AGAP1: variants seen among roughly 807,000 people sequenced by gnomAD.
AGAP1 encodes arf-GAP with GTPase, ANK repeat and PH domain-containing protein 1.
Under a neutral mutation model 105.3 loss-of-function variants are expected in AGAP1, and 29 were observed. The ratio of observed to expected loss-of-function variants is 0.28; its 90% CI spans 0.21 to 0.38. The LOEUF is 0.38. AGAP1 is among the 10% of genes least tolerant of loss of function. The pLI, the probability that AGAP1 is intolerant of heterozygous loss-of-function variation, is 1.00. For missense variants in AGAP1, 998 were observed against 1,165.1 expected, an observed-to-expected ratio of 0.86 and a Z score of 2.09; for synonymous variants, 509 against 485.9, an observed-to-expected ratio of 1.05 and a Z score of -0.63.
intron 8 of AGAP1, among the ~76,000 whole-genome samples, chr2:235,806,651 GT>G (rs918134475): frequency 2.6e-5 from 4 of 152,090 alleles, no homozygotes; most frequent in Admixed American, 6.6e-5. Context: ...ATTATCAGGG[GT>G]TTTTTTTCCC....
chr2:235,686,240 G>A lies in AGAP1; in HGVS notation c.164-22939G>A, dbSNP rs59530739. Among the ~76,000 whole-genome samples, 603 of 152,214 alleles carry A rather than the reference G, an allele frequency of 4.0e-3. 4 individuals are homozygous for A. Among genetic ancestry groups the A allele is most frequent in the African/African-American group, 0.014 (573 of 41,514 alleles). On this transcript the variant is annotated intron_variant, in intron 1 of 17. Transcript: ENST00000304032. ...AAGCCTCCTGCTGTACGGGGCACCC[G>A]CTGGGAGGGAAGAGGTGCTGGCCAA... is the stretch of plus-strand genomic sequence containing the variant.
intron 6 of AGAP1, among the ~76,000 whole-genome samples, chr2:235,759,270 A>G (rs139553831): frequency 1.1e-3 from 160 of 145,428 alleles, no homozygotes; most frequent in South Asian, 2.2e-3. Flanking sequence ...CTGGGTTCAC[A>G]CCATTCTCCT....
intron 6 of AGAP1, among the ~76,000 whole-genome samples, chr2:235,764,007 G>GTGGCTGTGACCCGTGCA (rs914999769): frequency 3.9e-5 from 6 of 152,038 alleles, no homozygotes; most frequent in African/African-American, 1.5e-4. Flanking sequence ...TGATCCGTGC[G>GTGGCTGTGACCCGTGCA]TGGCTGTGAC....
At chr2:235,852,539 A>G (rs550049709) in intron 9 of AGAP1, 1 of 704,696 alleles carries the variant, frequency 1.4e-6, no homozygotes, top group South Asian at 4.9e-5. Context: ...GTGCGAGAGA[A>G]AGTTAGCCGT....
At chr2:235,829,042 T>G (rs1021813052) in intron 9 of AGAP1, among the ~76,000 whole-genome samples, 4 of 152,224 alleles carry the variant, frequency 2.6e-5, no homozygotes, top group African/African-American at 9.6e-5. Context: ...CTTTTATTCC[T>G]GTTGTCTTTC....
At chr2:235,924,062 C>T (rs576907825) in intron 11 of AGAP1, among the ~76,000 whole-genome samples, 1 of 152,132 alleles carries the variant, frequency 6.6e-6, no homozygotes, top group Non-Finnish European at 1.5e-5. Flanking sequence ...CTGTCCCAGA[C>T]AGCAAACAGA....
chr2:235,536,629 A>G (rs200466864), intron 1 of AGAP1, among the ~76,000 whole-genome samples: 602 of 7,892 alleles, frequency 0.076, 13 homozygotes, highest in African/African-American at 0.25. Flanking sequence ...CGCATCCTTC[A>G]CACACACACA....
chr2:236,034,853 T>C (rs916969208), intron 13 of AGAP1, among the ~76,000 whole-genome samples: 2 of 152,182 alleles, frequency 1.3e-5, no homozygotes, highest in Non-Finnish European at 2.9e-5. Flanking sequence ...ACTGAGGGGC[T>C]GGTGGAGGCC....
chr2:235,812,796 C>T (rs1328872404), intron 9 of AGAP1, among the ~76,000 whole-genome samples: 2 of 152,224 alleles, frequency 1.3e-5, no homozygotes, highest in Non-Finnish European at 2.9e-5. Flanking sequence ...TATTAAGCCC[C>T]ACCATTGAGG....
At position 235,599,512 on chromosome 2, in the gene AGAP1, A is replaced by G. The variant is rs1049512730; in HGVS notation, c.163+104663A>G. 1.3e-5 allele frequency among the ~76,000 whole-genome samples: 2 copies of G among 152,206 alleles called. No homozygotes were observed. The highest frequency in any genetic ancestry group is 2.4e-5 in the African/African-American group (1 of 41,448). ...GCAAAGCTATCTTACTCTTTATTCC[A>G]TAGCCACAAAAATAAGTTTATAAAA... On this transcript the variant is annotated intron_variant, in intron 1 of 17. Coordinates refer to ENST00000304032, the MANE Select transcript of AGAP1 (RefSeq NM_001037131.3). This position sits in a 1 kb window ranked among gnomAD's most constrained non-coding sequence, Gnocchi z 5.3.
intron 6 of AGAP1, among the ~76,000 whole-genome samples, chr2:235,782,908 AG>A (rs1426875489): frequency 5.9e-5 from 9 of 152,214 alleles, no homozygotes; most frequent in Non-Finnish European, 1.0e-4. Flanking sequence ...TGTAACTGGC[AG>A]TGACAGAATA....
intron 1 of AGAP1, among the ~76,000 whole-genome samples, chr2:235,661,838 G>A (rs943554814): frequency 3.9e-5 from 6 of 152,206 alleles, no homozygotes; most frequent in East Asian, 3.9e-4. Context: ...ATACAGTGAT[G>A]TCCCTTGGCC....
Position 235,604,572 on chromosome 2 carries a change from C to CTTTTTT in AGAP1, c.164-104584_164-104579dup, listed in dbSNP as rs1166523228. Reference sequence around the variant, plus strand: ...CGTGTTTCTTTTTTATTTTTATTATCTTTTTTTTTTTTTTTTTTTTTTTTT... The same window carrying CTTTTTT: ...CGTGTTTCTTTTTTATTTTTATTATCTTTTTTTTTTTTTTTTTTTTTTTTTTTTTTT... On this transcript the variant is annotated intron_variant, in intron 1 of 17. Transcript: ENST00000304032. 1.6e-3 allele frequency among the ~76,000 whole-genome samples: 113 copies of CTTTTTT among 69,684 alleles called. 3 individuals are homozygous for CTTTTTT. The highest frequency in any genetic ancestry group is 2.2e-3 in the Non-Finnish European group (88 of 40,346). 45.7% of individuals were successfully genotyped at this position (69,684 alleles called of 152,430 possible). A position where few individuals can be genotyped will look rare whatever the true frequency, so the allele number is the denominator to read the frequency against.
intron 9 of AGAP1, among the ~76,000 whole-genome samples, chr2:235,870,071 G>C (rs1365314154): frequency 6.6e-6 from 1 of 152,180 alleles, no homozygotes; most frequent in Non-Finnish European, 1.5e-5. Flanking sequence ...GAGGGGGCTG[G>C]TTTTTGTGTG....
At chr2:235,682,791 TGCACAC>T (rs1037934710) in intron 1 of AGAP1, among the ~76,000 whole-genome samples, 2 of 122,118 alleles carry the variant, frequency 1.6e-5, no homozygotes, top group African/African-American at 6.5e-5. Context: ...TGTGGGTGTG[TGCACAC>T]GTGTGTGTGT....
At chr2:235,711,724 G>A (rs1950865829) in intron 2 of AGAP1, among the ~76,000 whole-genome samples, 1 of 152,184 alleles carries the variant, frequency 6.6e-6, no homozygotes, top group African/African-American at 2.4e-5. Flanking sequence ...TGTGTGCTGA[G>A]GAGTGCTCAG....
At position 235,664,269 on chromosome 2, in the gene AGAP1, T is replaced by C. The variant is rs1948057302; in HGVS notation, c.164-44910T>C. On this transcript the variant is annotated intron_variant, in intron 1 of 17. Coordinates refer to ENST00000304032, the MANE Select transcript of AGAP1 (RefSeq NM_001037131.3). The surrounding 1 kb of genome is among the most constrained non-coding windows in gnomAD (Gnocchi z 5.7). The stretch of plus-strand genomic sequence containing the variant: ...TATTGTTGCCCAGGCTAGAGTGCAG[T>C]GGCATGATCTCAGCTCCCTGCAACC... 6.6e-6 allele frequency among the ~76,000 whole-genome samples: 1 copy of C among 152,068 alleles called. No individual in the cohort carries two copies. Among genetic ancestry groups the C allele is most frequent in the African/African-American group, 2.4e-5 (1 of 41,388 alleles).
At chr2:236,057,857 T>C (rs1305411795) in intron 16 of AGAP1, among the ~76,000 whole-genome samples, 1 of 152,176 alleles carries the variant, frequency 6.6e-6, no homozygotes, top group Non-Finnish European at 1.5e-5. Flanking sequence ...TTATGAAGTT[T>C]CCTGGGCTTC....
Position 235,864,517 on chromosome 2 carries a change from G to T in AGAP1, c.1051-18828G>T, listed in dbSNP as rs2049067887. Among the ~76,000 whole-genome samples the T allele has an allele frequency of 6.6e-6, 1 of 152,198 alleles. No individual in the cohort carries two copies. The highest frequency in any genetic ancestry group is 2.1e-4 in the South Asian group (1 of 4,824). On this transcript the variant is annotated intron_variant, in intron 9 of 17. Coordinates refer to ENST00000304032, the MANE Select transcript of AGAP1 (RefSeq NM_001037131.3). This position sits in a 1 kb window ranked among gnomAD's most constrained non-coding sequence, Gnocchi z 5.0. ...GGTGGTTGAGCGTTTCCGCTCCACTGCGCGGCCCCGGAGCCCCCAAACGCA... is the reference window on the plus strand; with the variant it reads ...GGTGGTTGAGCGTTTCCGCTCCACTTCGCGGCCCCGGAGCCCCCAAACGCA...
Sources: allele counts gnomAD v4.1 joint callset (sites outside exome capture counted in the v4.1 genomes callset), GRCh38; gene constraint gnomAD v4.1.1; non-coding constraint Gnocchi (gnomAD v3.1); transcripts MANE v1.5; gene names NCBI Gene and HGNC (gene_info 2026-07-23, HGNC 2026-07-21).